The following XKR6 variants were observed in gnomAD, a reference collection of about 807,000 sequenced individuals.
XKR6 encodes XK-related protein 6.
XKR6 carries 22 observed loss-of-function variants against 56.7 expected under a neutral mutation model. The ratio of observed to expected loss-of-function variants is 0.39; its 90% CI spans 0.28 to 0.55. The LOEUF is 0.55. Among genes scored for constraint, XKR6 ranks in the 20% least tolerant of loss-of-function variants. The pLI is 0.66. For missense variants in XKR6, 852 were observed against 889.0 expected (o/e 0.96, Z 0.53); for synonymous variants, 524 against 387.8 (o/e 1.35, Z -4.13).
chr8:11,110,303 C>G (rs761026059), intron 1 of XKR6, among the ~76,000 whole-genome samples: 1 of 152,054 alleles, frequency 6.6e-6, no homozygotes, highest in Non-Finnish European at 1.5e-5. Context: ...TTTCACTGTG[C>G]TTTATATTAA....
chr8:11,000,300 C>A (rs929383184), intron 1 of XKR6, among the ~76,000 whole-genome samples: 1 of 152,142 alleles, frequency 6.6e-6, no homozygotes, highest in African/African-American at 2.4e-5. Flanking sequence ...AAACAGTTTG[C>A]AAGGCTGAAA....
At chr8:11,149,746 G>A (rs1362291209) in intron 1 of XKR6, among the ~76,000 whole-genome samples, 1 of 152,096 alleles carries the variant, frequency 6.6e-6, no homozygotes, top group Non-Finnish European at 1.5e-5. Flanking sequence ...CCATTACTGG[G>A]CATTTGTCCA....
At chr8:11,104,357 A>G (rs553865272) in intron 1 of XKR6, among the ~76,000 whole-genome samples, 2 of 152,376 alleles carry the variant, frequency 1.3e-5, no homozygotes, top group African/African-American at 4.8e-5. Context: ...AAATCTCAGT[A>G]TCTTTCTTGG....
chr8:11,038,874 G>C (rs145554895), intron 1 of XKR6, among the ~76,000 whole-genome samples: 48 of 152,198 alleles, frequency 3.2e-4, no homozygotes, highest in African/African-American at 1.1e-3. Flanking sequence ...AAGTGATTTA[G>C]ATTGGCTTAG....
intron 1 of XKR6, among the ~76,000 whole-genome samples, chr8:10,927,409 C>A (rs887436467): frequency 1.3e-5 from 2 of 152,220 alleles, no homozygotes; most frequent in Non-Finnish European, 2.9e-5. Context: ...AAGCCATGAG[C>A]CACAGATCAC....
chr8:11,112,416 A>AG (rs1454634576), intron 1 of XKR6, among the ~76,000 whole-genome samples: 1 of 152,148 alleles, frequency 6.6e-6, no homozygotes, highest in African/African-American at 2.4e-5. Flanking sequence ...TTTTTGAAAA[A>AG]GAAAAAAAAA....
chr8:11,050,187 T>C (rs1451297435), intron 1 of XKR6, among the ~76,000 whole-genome samples: 1 of 152,208 alleles, frequency 6.6e-6, no homozygotes, highest in Non-Finnish European at 1.5e-5. Context: ...TCAGTGAAGC[T>C]GGCTGAGTAA....
At chr8:11,163,695 G>A (rs760265510) in intron 1 of XKR6, among the ~76,000 whole-genome samples, 7 of 152,144 alleles carry the variant, frequency 4.6e-5, no homozygotes, top group South Asian at 2.1e-4. Flanking sequence ...CATTTCTACC[G>A]CACTGACTTT....
At chr8:10,928,907 C>T (rs1273118029) in intron 1 of XKR6, among the ~76,000 whole-genome samples, 1 of 152,246 alleles carries the variant, frequency 6.6e-6, no homozygotes, top group Non-Finnish European at 1.5e-5. Context: ...CCTCCTGTCA[C>T]GCCATATCTG....
At chr8:10,908,991 C>T (rs1314231485) in intron 2 of XKR6, among the ~76,000 whole-genome samples, 5 of 152,102 alleles carry the variant, frequency 3.3e-5, no homozygotes, top group South Asian at 2.1e-4. Flanking sequence ...ATGGCGAAAC[C>T]GCATCTCTAC....
At chr8:10,985,597 TA>T (rs35383772) in intron 1 of XKR6, among the ~76,000 whole-genome samples, 19,347 of 136,204 alleles carry the variant, frequency 0.14, 2,652 homozygotes, top group African/African-American at 0.37. Flanking sequence ...ATCTTTTGGT[TA>T]AAAAAAAAAA....
At chr8:10,991,279 G>C (rs1797987364) in intron 1 of XKR6, among the ~76,000 whole-genome samples, 1 of 152,090 alleles carries the variant, frequency 6.6e-6, no homozygotes, top group Admixed American at 6.5e-5. Flanking sequence ...AGAAAAGTCT[G>C]CTCTGGTGCT....
In XKR6 at chr8:11,044,266, A is replaced by T. The variant is rs1799354288; in HGVS notation, c.765-119436T>A. 2.0e-5 allele frequency among the ~76,000 whole-genome samples: 3 copies of T among 152,222 alleles called. No individual in the cohort carries two copies. In the East Asian group the frequency reaches 5.8e-4, roughly 29 times the overall value. Reference sequence around the variant, plus strand: ...ATGTTAAGTCTCCAACCAAAAATGAACATGGAACATAAAGTGCATGTTTGC... The same window carrying T: ...ATGTTAAGTCTCCAACCAAAAATGATCATGGAACATAAAGTGCATGTTTGC... On this transcript the variant is annotated intron_variant, in intron 1 of 2. Coordinates refer to ENST00000416569, the MANE Select transcript of XKR6 (RefSeq NM_173683.4).
At chr8:10,899,914 C>T (rs1347476673) in intron 2 of XKR6, among the ~76,000 whole-genome samples, 1 of 152,206 alleles carries the variant, frequency 6.6e-6, no homozygotes, top group Non-Finnish European at 1.5e-5. Flanking sequence ...TCCATTGTTA[C>T]TGAAGTCTCC....
chr8:11,002,595 G>A, intron 1 of XKR6: 1 of 176,340 alleles, frequency 5.7e-6, no homozygotes. Context: ...CTCCCAGCCA[G>A]CACAGGAAGG....
At chr8:10,907,990 A>G (rs1039295369) in intron 2 of XKR6, among the ~76,000 whole-genome samples, 12 of 152,314 alleles carry the variant, frequency 7.9e-5, no homozygotes, top group South Asian at 6.2e-4. Context: ...TTAAGCTACA[A>G]TGTTTCCCTC....
At chr8:10,966,675 A>AAAAT (rs918271275) in intron 1 of XKR6, among the ~76,000 whole-genome samples, 15 of 152,156 alleles carry the variant, frequency 9.9e-5, no homozygotes, top group African/African-American at 3.4e-4. Flanking sequence ...CTCTGTCTCA[A>AAAAT]AAATAAATAA....
At position 11,200,551 on chromosome 8, in the gene XKR6, C is replaced by G; in HGVS notation, c.764+25G>C. ...GGAGGGGGGCTCCTCAGGGCCGGCC[C>G]GCCCCCACCCCGCAGTGCTCTTACC... On this transcript the variant is annotated intron_variant, in intron 1 of 2. Transcript: ENST00000416569. The surrounding 1 kb of genome is among the most constrained non-coding windows in gnomAD (Gnocchi z 6.4). The G allele has an allele frequency of 6.9e-7, 1 of 1,439,488 alleles. No individual in the cohort carries two copies. Among genetic ancestry groups the G allele is most frequent in the Non-Finnish European group, 9.0e-7 (1 of 1,105,734 alleles). 89.2% of individuals were successfully genotyped at this position (1,439,488 alleles called of 1,614,324 possible). A position where few individuals can be genotyped will look rare whatever the true frequency, so the allele number is the denominator to read the frequency against.
At chr8:11,176,705 G>A (rs556676751) in intron 1 of XKR6, among the ~76,000 whole-genome samples, 2 of 152,144 alleles carry the variant, frequency 1.3e-5, no homozygotes, top group East Asian at 1.9e-4. Context: ...AGGACTCTTA[G>A]GCCCCATCAG....
Sources: allele counts gnomAD v4.1 joint callset (sites outside exome capture counted in the v4.1 genomes callset), GRCh38; gene constraint gnomAD v4.1.1; non-coding constraint Gnocchi (gnomAD v3.1); transcripts MANE v1.5; gene names NCBI Gene and HGNC (gene_info 2026-07-23, HGNC 2026-07-21).